TMEM132C: variants seen among roughly 807,000 people sequenced by gnomAD.
TMEM132C encodes the protein protein phosphatase 1, regulatory subunit 152.
A neutral mutation model predicts 61.4 loss-of-function variants in TMEM132C; 29 were observed. The ratio of observed to expected loss-of-function variants is 0.47; its 90% CI spans 0.35 to 0.64. The LOEUF (loss-of-function observed/expected upper bound fraction) is 0.64. TMEM132C is among the 30% of genes least tolerant of loss of function. The pLI, the probability that TMEM132C is intolerant of heterozygous loss-of-function variation, is 0.00. For synonymous variants in TMEM132C, 656 were observed against 633.1 expected, an observed-to-expected ratio of 1.04 and a Z score of -0.54; for missense variants, 1,408 against 1,476.9, an observed-to-expected ratio of 0.95 and a Z score of 0.76.
intron 6 of TMEM132C, among the ~76,000 whole-genome samples, chr12:128,694,934 A>C (rs1022932487): frequency 2.6e-5 from 4 of 152,218 alleles, no homozygotes; most frequent in Non-Finnish European, 4.4e-5. Flanking sequence ...AGCATGGGCA[A>C]GCTACCTAAC....
chr12:128,345,017 A>G (rs1024203590), intron 1 of TMEM132C, among the ~76,000 whole-genome samples: 34 of 151,324 alleles, frequency 2.2e-4, no homozygotes, highest in African/African-American at 7.5e-4. Flanking sequence ...CCAGGTATTA[A>G]GTCCAGCATC....
intron 3 of TMEM132C, among the ~76,000 whole-genome samples, chr12:128,605,394 G>C (rs1031931485): frequency 2.0e-5 from 3 of 152,154 alleles, no homozygotes; most frequent in Admixed American, 2.0e-4. Flanking sequence ...TTCTGTTCAG[G>C]TTTTCAGTTG....
chr12:128,349,729 A>AT (rs1197647052), intron 1 of TMEM132C, among the ~76,000 whole-genome samples: 2 of 152,026 alleles, frequency 1.3e-5, no homozygotes, highest in African/African-American at 2.4e-5. Flanking sequence ...CCCAGTTGGG[A>AT]TTTTTTCACG....
chr12:128,297,227 T>C (rs1871441898), intron 1 of TMEM132C, among the ~76,000 whole-genome samples: 1 of 152,178 alleles, frequency 6.6e-6, no homozygotes, highest in African/African-American at 2.4e-5. Context: ...AAGGGGATAA[T>C]ATGGTATTGA....
intron 4 of TMEM132C, among the ~76,000 whole-genome samples, chr12:128,652,251 T>C (rs1345885451): frequency 6.6e-6 from 1 of 152,176 alleles, no homozygotes; most frequent in Non-Finnish European, 1.5e-5. Flanking sequence ...CAAAGGGATT[T>C]CTTGTTGGCT....
chr12:128,696,817 G>T (rs1479241690), intron 7 of TMEM132C, among the ~76,000 whole-genome samples: 1 of 152,220 alleles, frequency 6.6e-6, no homozygotes, highest in East Asian at 1.9e-4. Flanking sequence ...ATACATTGTG[G>T]TGGTGGTGGG....
chr12:128,617,330 C>CGTGTCCAGCA lies in TMEM132C; in HGVS notation c.1305+995_1305+996insGTGTCCAGCA, dbSNP rs1203679760. On this transcript the variant is annotated intron_variant, in intron 4 of 8. Coordinates refer to ENST00000435159, the MANE Select transcript of TMEM132C (RefSeq NM_001136103.3). ...CGGCAATGCCACGCTGGCTTCTTCACAGCATCATGTCCAGCAAGAAATGAG... is the reference window on the plus strand; with the variant it reads ...CGGCAATGCCACGCTGGCTTCTTCACGTGTCCAGCAAGCATCATGTCCAGCAAGAAATGAG... Among the ~76,000 whole-genome samples the CGTGTCCAGCA allele has an allele frequency of 3.3e-5, 5 of 152,228 alleles. No homozygotes were observed. In the East Asian group the frequency reaches 9.6e-4, roughly 29 times the overall value.
intron 2 of TMEM132C, among the ~76,000 whole-genome samples, chr12:128,538,462 G>A (rs918509923): frequency 6.6e-6 from 1 of 152,092 alleles, no homozygotes; most frequent in Non-Finnish European, 1.5e-5. Flanking sequence ...ATGTTATTTT[G>A]TTGTCCAGGT....
At chr12:128,581,795 A>G (rs1012893244) in intron 3 of TMEM132C, among the ~76,000 whole-genome samples, 1 of 152,244 alleles carries the variant, frequency 6.6e-6, no homozygotes, top group Non-Finnish European at 1.5e-5. Flanking sequence ...CAGATGTTTT[A>G]TTCAGATTCC....
intron 2 of TMEM132C, among the ~76,000 whole-genome samples, chr12:128,495,676 A>G (rs1485368720): frequency 2.0e-5 from 3 of 151,570 alleles, no homozygotes; most frequent in East Asian, 1.9e-4. Context: ...TTTGTTTTCC[A>G]TTTGCTTGGT....
At chr12:128,683,394 C>G (rs2135642495) in intron 5 of TMEM132C, among the ~76,000 whole-genome samples, 1 of 152,296 alleles carries the variant, frequency 6.6e-6, no homozygotes, top group African/African-American at 2.4e-5. Context: ...CTTCTCTGAC[C>G]TTGTACTGCC....
chr12:128,450,196 A>G (rs1209182330), intron 2 of TMEM132C, among the ~76,000 whole-genome samples: 1 of 152,194 alleles, frequency 6.6e-6, no homozygotes, highest in African/African-American at 2.4e-5. Context: ...TGACGGAGGA[A>G]CTAAACTTTT....
chr12:128,689,882 A>C (rs1001110604), intron 5 of TMEM132C, among the ~76,000 whole-genome samples: 1 of 152,212 alleles, frequency 6.6e-6, no homozygotes, highest in African/African-American at 2.4e-5. Flanking sequence ...TCAGCAGTCT[A>C]TGCCAACAGG....
intron 2 of TMEM132C, among the ~76,000 whole-genome samples, chr12:128,445,258 A>G (rs563154597): frequency 2.6e-4 from 39 of 152,270 alleles, no homozygotes; most frequent in Non-Finnish European, 5.1e-4. Context: ...TCTAATTTAA[A>G]CAGTTCAGCG....
At chr12:128,544,997 G>C (rs573357089) in intron 3 of TMEM132C, among the ~76,000 whole-genome samples, 1 of 152,108 alleles carries the variant, frequency 6.6e-6, no homozygotes, top group African/African-American at 2.4e-5. Context: ...AGATTCAGGG[G>C]GTACATGTGC....
At chr12:128,337,949 C>T (rs536125394) in intron 1 of TMEM132C, among the ~76,000 whole-genome samples, 1 of 152,272 alleles carries the variant, frequency 6.6e-6, no homozygotes, top group Admixed American at 6.5e-5. Flanking sequence ...AGTGAGGATT[C>T]CAACACCCCA....
chr12:128,431,379 C>T (rs1290857881), intron 2 of TMEM132C, among the ~76,000 whole-genome samples: 1 of 152,062 alleles, frequency 6.6e-6, no homozygotes, highest in Non-Finnish European at 1.5e-5. Flanking sequence ...AAATCATCTC[C>T]ATAACATAAA....
chr12:128,601,743 GA>G (rs200716410), intron 3 of TMEM132C, among the ~76,000 whole-genome samples: 2,942 of 152,244 alleles, frequency 0.019, 112 homozygotes, highest in African/African-American at 0.067. Flanking sequence ...GCGGTGGAGG[GA>G]CAGCTTATTA....
chr12:128,377,670 G>A (rs1874238669), intron 1 of TMEM132C, among the ~76,000 whole-genome samples: 1 of 152,176 alleles, frequency 6.6e-6, no homozygotes. Context: ...TGATGGTGAT[G>A]AAAATATTTC....
Sources: allele counts gnomAD v4.1 joint callset (sites outside exome capture counted in the v4.1 genomes callset), GRCh38; gene constraint gnomAD v4.1.1; transcripts MANE v1.5; gene names NCBI Gene and HGNC (gene_info 2026-07-23, HGNC 2026-07-21).